The following MCC variants were observed in gnomAD, a reference collection of about 807,000 sequenced individuals.
MCC encodes the protein colorectal mutant cancer protein.
In MCC, 90 loss-of-function variants were observed where a neutral mutation model predicts 116.2. The ratio of observed to expected loss-of-function variants is 0.77; its 90% CI spans 0.65 to 0.92. MCC has a LOEUF of 0.92. MCC is among the 40% of genes least tolerant of loss of function. The pLI, the probability that MCC is intolerant of heterozygous loss-of-function variation, is 0.00. For missense variants in MCC, 1,516 were observed against 1,312.2 expected (o/e 1.16, Z -2.40); for synonymous variants, 578 against 510.5 (o/e 1.13, Z -1.78).
At chr5:113,206,702 G>C (rs745704409) in intron 3 of MCC, among the ~76,000 whole-genome samples, 2 of 152,160 alleles carry the variant, frequency 1.3e-5, no homozygotes, top group Non-Finnish European at 2.9e-5. Flanking sequence ...GAGCGAGACT[G>C]TCTCAAAAAA....
intron 8 of MCC, among the ~76,000 whole-genome samples, chr5:113,088,668 G>A (rs764727806): frequency 6.6e-6 from 1 of 152,016 alleles, no homozygotes; most frequent in Non-Finnish European, 1.5e-5. Flanking sequence ...AGAGCACCAA[G>A]AGCTATCAGA....
chr5:113,431,762 A>AGGG (rs1770652190), intron 1 of MCC, among the ~76,000 whole-genome samples: 1 of 11,982 alleles, frequency 8.3e-5, no homozygotes, highest in Non-Finnish European at 2.8e-4. Context: ...TTGGGAGGCC[A>AGGG]AGGGGGGGGG....
At chr5:113,366,395 G>A (rs1008884557) in intron 2 of MCC, among the ~76,000 whole-genome samples, 4 of 151,978 alleles carry the variant, frequency 2.6e-5, no homozygotes, top group African/African-American at 9.7e-5. Context: ...AAACTGAATT[G>A]CCCATATTCT....
chr5:113,291,705 A>C (rs1766501020), intron 3 of MCC, among the ~76,000 whole-genome samples: 1 of 152,216 alleles, frequency 6.6e-6, no homozygotes, highest in Admixed American at 6.5e-5. Flanking sequence ...AGGAGGACTC[A>C]ACCATCAAAA....
At chr5:113,352,197 A>G (rs1042722763) in intron 2 of MCC, among the ~76,000 whole-genome samples, 7 of 152,136 alleles carry the variant, frequency 4.6e-5, no homozygotes, top group East Asian at 1.9e-4. Flanking sequence ...ATAAAAACCA[A>G]CATTCATGAG....
intron 18 of MCC, among the ~76,000 whole-genome samples, chr5:113,027,896 A>T (rs1046954890): frequency 1.3e-5 from 2 of 152,250 alleles, no homozygotes; most frequent in Admixed American, 1.3e-4. Flanking sequence ...CAAAGTGACC[A>T]TACCTGGGAC....
At chr5:113,087,692 T>TTAGGTG (rs761807435) in intron 8 of MCC, among the ~76,000 whole-genome samples, 4 of 151,706 alleles carry the variant, frequency 2.6e-5, no homozygotes, top group Non-Finnish European at 5.9e-5. Context: ...TTAACACCAC[T>TTAGGTG]CCAAAACCTA....
intron 5 of MCC, among the ~76,000 whole-genome samples, chr5:113,142,816 A>C (rs535350749): frequency 3.9e-5 from 6 of 152,326 alleles, no homozygotes; most frequent in Admixed American, 2.6e-4. Context: ...CAGTTTGCAT[A>C]TTTAGTATCA....
At chr5:113,363,545 T>C (rs1195976126) in intron 2 of MCC, among the ~76,000 whole-genome samples, 1 of 152,082 alleles carries the variant, frequency 6.6e-6, no homozygotes, top group Non-Finnish European at 1.5e-5. Flanking sequence ...ACTCACTAAA[T>C]AGTACCAAAG....
chr5:113,328,821 A>T (rs1450152105), intron 3 of MCC, among the ~76,000 whole-genome samples: 2 of 152,152 alleles, frequency 1.3e-5, no homozygotes, highest in Non-Finnish European at 2.9e-5. Flanking sequence ...CAGTCTGGGG[A>T]TCATCATTTC....
rs1382907709 is a variant in MCC, at chr5:113,027,041, T to G, written c.*261A>C. 7 of 418,282 alleles carry G rather than the reference T, an allele frequency of 1.7e-5. No individual in the cohort carries two copies. Among genetic ancestry groups the G allele is most frequent in the Non-Finnish European group, 3.0e-5 (7 of 237,126 alleles). 25.9% of individuals were successfully genotyped at this position (418,282 alleles called of 1,614,324 possible). On this transcript the variant is annotated 3_prime_UTR_variant, in exon 19 of 19. Transcript: ENST00000408903. ...TGAGTGCTGAAAGCAGAAACGAGGC[T>G]CTGCTGAGCAGGCACAGAACATGTG...
chr5:113,290,471 A>G (rs192807673), intron 3 of MCC, among the ~76,000 whole-genome samples: 1 of 152,196 alleles, frequency 6.6e-6, no homozygotes, highest in Non-Finnish European at 1.5e-5. Flanking sequence ...TTAAAAATAA[A>G]TTTTTATTTT....
rs141796481 is a variant in MCC at position 113,301,506 on chromosome 5, A to T, written c.627+39013T>A. Among the ~76,000 whole-genome samples the T allele has an allele frequency of 2.9e-3, 445 of 152,230 alleles. 1 individual carries two copies. The highest frequency in any genetic ancestry group is 0.01 in the African/African-American group (423 of 41,558). On this transcript the variant is annotated intron_variant, in intron 3 of 18. Transcript: ENST00000408903. ...AAAAAGATAGTTATAGGGCAACAAG[A>T]GTGAAATTCCATCTCAAAGAAAAGA...
At chr5:113,466,503 G>T (rs1045889609) in intron 1 of MCC, among the ~76,000 whole-genome samples, 2 of 151,972 alleles carry the variant, frequency 1.3e-5, no homozygotes, top group African/African-American at 4.8e-5. Context: ...TCCCTACAAA[G>T]GACACAAACT....
chr5:113,476,547 G>A (rs199713983), intron 1 of MCC, among the ~76,000 whole-genome samples: 2 of 152,278 alleles, frequency 1.3e-5, no homozygotes, highest in Non-Finnish European at 2.9e-5. Flanking sequence ...AACTCAAGTG[G>A]ATCATAGACT....
At chr5:113,109,817 C>A (rs1756983839) in intron 6 of MCC, among the ~76,000 whole-genome samples, 1 of 151,890 alleles carries the variant, frequency 6.6e-6, no homozygotes, top group African/African-American at 2.4e-5. Context: ...GGTTGGAGAG[C>A]AAGAGAAGGA....
chr5:113,471,679 A>C (rs58160865), intron 1 of MCC, among the ~76,000 whole-genome samples: 2,446 of 151,476 alleles, frequency 0.016, 68 homozygotes, highest in African/African-American at 0.056. Context: ...TGGGAGAACC[A>C]CTACTCTCTT....
At chr5:113,292,066 C>T (rs1333254569) in intron 3 of MCC, among the ~76,000 whole-genome samples, 1 of 151,972 alleles carries the variant, frequency 6.6e-6, no homozygotes, top group East Asian at 1.9e-4. Context: ...CTCTTCTCTA[C>T]TAAAAATATA....
chr5:113,140,410 C>G (rs1458902594), intron 5 of MCC, among the ~76,000 whole-genome samples: 1 of 152,196 alleles, frequency 6.6e-6, no homozygotes, highest in Non-Finnish European at 1.5e-5. Context: ...TGTTCAAATT[C>G]TCACGATTTC....
Sources: gnomAD v4.1 joint callset for allele counts (sites outside exome capture counted in the v4.1 genomes callset) on GRCh38, gnomAD v4.1.1 for gene constraint, MANE v1.5 for transcripts, NCBI Gene and HGNC (gene_info 2026-07-23, HGNC 2026-07-21) for gene names.